Variants in SH3KBP1 observed in about 807,000 individuals in gnomAD.
SH3KBP1 encodes the protein SH3 domain-containing kinase-binding protein 1.
Under a neutral mutation model 50.1 loss-of-function variants are expected in SH3KBP1, and 8 were observed. That is an observed-to-expected ratio of 0.16 (90% confidence interval 0.09 to 0.29). The LOEUF (loss-of-function observed/expected upper bound fraction) is 0.29. Among genes scored for constraint, SH3KBP1 ranks in the 10% least tolerant of loss-of-function variants. SH3KBP1 has a pLI of 1.00. For synonymous variants in SH3KBP1, 227 were observed against 218.6 expected, an observed-to-expected ratio of 1.04 and a Z score of -0.34; for missense variants, 377 against 535.2, an observed-to-expected ratio of 0.70 and a Z score of 2.92.
At chrX:19,663,412 A>C (rs1420105575) in intron 6 of SH3KBP1, among the ~76,000 whole-genome samples, 6 of 111,588 alleles carry the variant, frequency 5.4e-5, no homozygotes, top group Non-Finnish European at 9.4e-5. Context: ...GTCCTTTTCT[A>C]TTACAATGGA....
chrX:19,565,352 G>A lies in SH3KBP1; in HGVS notation c.1384+3751C>T, dbSNP rs201193985. On this transcript the variant is annotated intron_variant, in intron 13 of 17. Coordinates refer to ENST00000397821, the MANE Select transcript of SH3KBP1 (RefSeq NM_031892.3). The stretch of plus-strand genomic sequence containing the variant: ...GCTGGGATTACAGGTGTAAGCCACC[G>A]CGCCTGGCCTTCAACTCCAATTTCT... 4.5e-5 allele frequency among the ~76,000 whole-genome samples: 5 copies of A among 111,042 alleles called. No homozygotes were observed. In the East Asian group the frequency reaches 8.5e-4, roughly 19 times the overall value.
At chrX:19,651,909 C>A (rs1431162361) in intron 6 of SH3KBP1, among the ~76,000 whole-genome samples, 2 of 112,084 alleles carry the variant, frequency 1.8e-5, no homozygotes, top group Admixed American at 9.4e-5. Context: ...ACCTTTCTTG[C>A]CCTTTTCCTT....
chrX:19,675,444 G>A (rs1602965444), intron 6 of SH3KBP1, among the ~76,000 whole-genome samples: 4 of 105,178 alleles, frequency 3.8e-5, no homozygotes, highest in East Asian at 5.9e-4. Flanking sequence ...TCGCTCTGTC[G>A]CCCAGGCTGG....
intron 3 of SH3KBP1, among the ~76,000 whole-genome samples, chrX:19,733,775 T>TA (rs1055980472): frequency 4.9e-4 from 50 of 101,884 alleles, no homozygotes; most frequent in Admixed American, 1.2e-3. Context: ...CACCAACCAG[T>TA]AAAAAAAAAA....
In SH3KBP1 at chrX:19,639,401, G is replaced by T. The variant is rs189929113; in HGVS notation, c.802+5999C>A. ...AAGCCCTTCTTGTCTCTACAATGCA[G>T]CAGAGGCTGGATCACTGCTCCTCTC... On this transcript the variant is annotated intron_variant, in intron 7 of 17. Coordinates refer to ENST00000397821, the MANE Select transcript of SH3KBP1 (RefSeq NM_031892.3). 4.2e-3 allele frequency among the ~76,000 whole-genome samples: 474 copies of T among 111,613 alleles called. 3 individuals are homozygous for T. Among genetic ancestry groups the T allele is most frequent in the Admixed American group, 8.9e-3 (94 of 10,534 alleles).
intron 1 of SH3KBP1, among the ~76,000 whole-genome samples, chrX:19,865,992 G>T (rs1478761771): frequency 8.9e-6 from 1 of 112,112 alleles, no homozygotes; most frequent in African/African-American, 3.3e-5. Flanking sequence ...TAGGGAGGAA[G>T]AAAAGAATCC....
At chrX:19,687,688 T>G in intron 5 of SH3KBP1, 1 of 1,198,924 alleles carries the variant, frequency 8.3e-7, no homozygotes, top group African/African-American at 1.8e-5. Context: ...AAAGGTAGTC[T>G]TTCCTGACAG....
At chrX:19,691,944 T>TTGA (rs2063301178) in intron 5 of SH3KBP1, among the ~76,000 whole-genome samples, 1 of 111,735 alleles carries the variant, frequency 8.9e-6, no homozygotes, top group Non-Finnish European at 1.9e-5. Context: ...TGGCCAAAGG[T>TTGA]TGATAATTGC....
At chrX:19,814,553 C>A (rs1246505306) in intron 2 of SH3KBP1, among the ~76,000 whole-genome samples, 1 of 111,796 alleles carries the variant, frequency 8.9e-6, no homozygotes, top group Non-Finnish European at 1.9e-5. Context: ...GCCAGGGACA[C>A]CCTCCTCCAT....
intron 8 of SH3KBP1, among the ~76,000 whole-genome samples, chrX:19,614,429 A>G (rs2067539405): frequency 8.9e-6 from 1 of 112,136 alleles, no homozygotes; most frequent in South Asian, 3.7e-4. Flanking sequence ...CTACAATCTC[A>G]TCTTGGGCTG....
chrX:19,824,686 G>A lies in SH3KBP1; in HGVS notation c.162+11439C>T, dbSNP rs141051797. On this transcript the variant is annotated intron_variant, in intron 2 of 17. Coordinates refer to ENST00000397821, the MANE Select transcript of SH3KBP1 (RefSeq NM_031892.3). Reference sequence around the variant, plus strand: ...AAAGTCCCTTTCCAAGCTAAGATTCGATAATCTTGCCATTAAGAAAATAAG... The same window carrying A: ...AAAGTCCCTTTCCAAGCTAAGATTCAATAATCTTGCCATTAAGAAAATAAG... Among the ~76,000 whole-genome samples the A allele has an allele frequency of 6.6e-3, 739 of 111,932 alleles. 2 individuals are homozygous for A. Among genetic ancestry groups the A allele is most frequent in the African/African-American group, 0.012 (361 of 30,840 alleles).
At chrX:19,791,398 TA>T (rs1333564170) in intron 2 of SH3KBP1, among the ~76,000 whole-genome samples, 10 of 111,019 alleles carry the variant, frequency 9.0e-5, no homozygotes, top group African/African-American at 3.3e-4. Flanking sequence ...TTAAACAGAA[TA>T]AGGTGCTGAT....
chrX:19,840,724 T>C (rs1269195592), intron 1 of SH3KBP1, among the ~76,000 whole-genome samples: 5 of 112,302 alleles, frequency 4.5e-5, no homozygotes, highest in Admixed American at 1.9e-4. Flanking sequence ...CTTTGAGAAA[T>C]TACCTCTGGG....
intron 3 of SH3KBP1, among the ~76,000 whole-genome samples, chrX:19,739,994 GAC>G (rs1305070976): frequency 9.1e-6 from 1 of 109,856 alleles, no homozygotes; most frequent in Admixed American, 9.7e-5. Flanking sequence ...GAAATCAGAA[GAC>G]ACAGAGATAG....
At chrX:19,711,957 T>A (rs2063786918) in intron 3 of SH3KBP1, among the ~76,000 whole-genome samples, 1 of 111,559 alleles carries the variant, frequency 9.0e-6, no homozygotes, top group Non-Finnish European at 1.9e-5. Flanking sequence ...AGCTATCTCT[T>A]GAGTAACACA....
At chrX:19,724,869 A>T (rs1426890909) in intron 3 of SH3KBP1, among the ~76,000 whole-genome samples, 1 of 111,447 alleles carries the variant, frequency 9.0e-6, no homozygotes. Context: ...CACCACCACC[A>T]ATAACAACCA....
chrX:19,660,751 T>G (rs1423258910), intron 6 of SH3KBP1, among the ~76,000 whole-genome samples: 1 of 112,156 alleles, frequency 8.9e-6, no homozygotes, highest in Non-Finnish European at 1.9e-5. Flanking sequence ...CAGAAAGCCT[T>G]TTATTGAAAC....
Position 19,754,434 on chromosome X carries a change from A to G in SH3KBP1, c.163-7993T>C, listed in dbSNP as rs769059623. On this transcript the variant is annotated intron_variant, in intron 2 of 17. Transcript: ENST00000397821. ...GTTGTTTGGATACTTAAAAATATCT[A>G]TCAGATGAATGACCAATTTAGTAGA... 4.5e-5 allele frequency among the ~76,000 whole-genome samples: 5 copies of G among 112,348 alleles called. No individual in the cohort carries two copies. In the South Asian group the frequency reaches 1.8e-3, roughly 41 times the overall value.
At chrX:19,841,679 A>G (rs895227618) in intron 1 of SH3KBP1, among the ~76,000 whole-genome samples, 4 of 111,517 alleles carry the variant, frequency 3.6e-5, no homozygotes, top group African/African-American at 1.3e-4. Flanking sequence ...TGGAAAGAAC[A>G]TCAGATATCA....
Sources: gnomAD v4.1 joint callset for allele counts (sites outside exome capture counted in the v4.1 genomes callset) on GRCh38, gnomAD v4.1.1 for gene constraint, MANE v1.5 for transcripts, NCBI Gene and HGNC (gene_info 2026-07-23, HGNC 2026-07-21) for gene names.